SCARB1: variants seen among roughly 807,000 people sequenced by gnomAD.
SCARB1 encodes scavenger receptor class B member 1.
SCARB1 carries 30 observed loss-of-function variants against 57.2 expected under a neutral mutation model. The ratio of observed to expected loss-of-function variants is 0.52; its 90% CI spans 0.39 to 0.71. The LOEUF (loss-of-function observed/expected upper bound fraction) is 0.71. Ranked by LOEUF, SCARB1 falls within the 30% of genes least tolerant of loss-of-function variation. The pLI, the probability that SCARB1 is intolerant of heterozygous loss-of-function variation, is 0.00. For missense variants in SCARB1, 543 were observed against 671.2 expected, an observed-to-expected ratio of 0.81 and a Z score of 2.11; for synonymous variants, 249 against 268.3, an observed-to-expected ratio of 0.93 and a Z score of 0.70.
chr12:124,819,446 C>A (rs1317385910), intron 1 of SCARB1, among the ~76,000 whole-genome samples: 1 of 152,232 alleles, frequency 6.6e-6, no homozygotes, highest in Non-Finnish European at 1.5e-5. Context: ...CTTAAAGGGA[C>A]TATAGGAAAC....
In SCARB1 at chr12:124,791,374, T is replaced by C. The variant is rs1594202328; in HGVS notation, c.1202+3821A>G. Among the ~76,000 whole-genome samples, 2 of 152,170 alleles carry C rather than the reference T, an allele frequency of 1.3e-5. 1 individual carries two copies. Among genetic ancestry groups the C allele is most frequent in the South Asian group, 4.1e-4 (2 of 4,826 alleles). ...CAGCCACTTACGAGCTCTGTGACCT[T>C]GGGCGTGCTACTGAGCCTGTGTCCC... is the stretch of plus-strand genomic sequence containing the variant. On this transcript the variant is annotated intron_variant, in intron 9 of 12. Coordinates refer to ENST00000261693, the MANE Select transcript of SCARB1 (RefSeq NM_005505.5).
At chr12:124,805,175 G>A (rs1206259385) in intron 7 of SCARB1, among the ~76,000 whole-genome samples, 1 of 151,714 alleles carries the variant, frequency 6.6e-6, no homozygotes, top group African/African-American at 2.4e-5. Flanking sequence ...ATAGGGAGCA[G>A]CAGGTGGGAG....
At chr12:124,806,788 G>C (rs1950339564) in intron 7 of SCARB1, among the ~76,000 whole-genome samples, 1 of 152,038 alleles carries the variant, frequency 6.6e-6, no homozygotes, top group African/African-American at 2.4e-5. Context: ...TGCGGTCCCA[G>C]CTACTCAGGA....
chr12:124,778,616 C>T, intron 12 of SCARB1, 30 bp from the exon 13 acceptor site: 1 of 1,412,626 alleles, frequency 7.1e-7, no homozygotes. Context: ...TGGGTGACCA[C>T]CCACGCCCTG....
chr12:124,812,021 C>G lies in SCARB1; in HGVS notation c.631-56G>C, dbSNP rs1441021424. The G allele has an allele frequency of 2.2e-6, 3 of 1,360,272 alleles. No homozygotes were observed. The African/African-American group carries it at 4.3e-5, about 20-fold the overall frequency. The allele number at this position is 1,360,272 out of a possible 1,614,324, so 84.3% of individuals were successfully genotyped here. A position where few individuals can be genotyped will look rare whatever the true frequency, so the allele number is the denominator to read the frequency against. ...GGCTTAGGCCTGCCATTGAGCCGGCCTGGTCTGAACATTCTGGGCTGAGCC... is the reference window on the plus strand; with the variant it reads ...GGCTTAGGCCTGCCATTGAGCCGGCGTGGTCTGAACATTCTGGGCTGAGCC... On this transcript the variant is annotated intron_variant, in intron 4 of 12. Coordinates refer to ENST00000261693, the MANE Select transcript of SCARB1 (RefSeq NM_005505.5). The surrounding 1 kb of genome is among the most constrained non-coding windows in gnomAD (Gnocchi z 4.3).
chr12:124,814,299 T>A lies in SCARB1; in HGVS notation c.533A>T (p.Glu178Val), dbSNP rs750442625. ...GGGGTCCTTGTAGCCCCACATGATC[T>A]CACCCACAGTGCGGTTCATGAAGGC... ...ERAFMNRTVG[E>V]IMWGYKDPLV... The change falls in exon 4 of 13, where the codon GAG becomes GTG. Residue 178 changes from glutamate (E) to valine (V), a missense_variant. Glu to Val is a moderately radical substitution (Grantham distance 121). Coordinates refer to ENST00000261693, the MANE Select transcript of SCARB1 (RefSeq NM_005505.5). This position sits in a 1 kb window ranked among gnomAD's most constrained non-coding sequence, Gnocchi z 4.7. The A allele has an allele frequency of 1.5e-5, 25 of 1,614,206 alleles. No homozygotes were observed. Among genetic ancestry groups the A allele is most frequent in the Non-Finnish European group, 1.9e-5 (23 of 1,180,026 alleles).
chr12:124,832,951 G>A (rs1366159633), intron 1 of SCARB1, among the ~76,000 whole-genome samples: 1 of 152,134 alleles, frequency 6.6e-6, no homozygotes, highest in Non-Finnish European at 1.5e-5. Context: ...GAGATGGGAT[G>A]AAAGTCACGG....
chr12:124,840,277 G>C (rs189121464), intron 1 of SCARB1, among the ~76,000 whole-genome samples: 2 of 151,696 alleles, frequency 1.3e-5, no homozygotes, highest in African/African-American at 4.9e-5. Context: ...AGGTTCAAAC[G>C]ATTCTCCTGC....
rs372317401 is a variant in SCARB1 at position 124,814,423 on chromosome 12, A to G, written c.427-18T>C. ...GCCGCACCCTGCAAGGCGAAGGGAC[A>G]CTAGTGTCAGAGGCTGGACGTGGCT... On this transcript the variant is annotated intron_variant, in intron 3 of 12. Coordinates refer to ENST00000261693, the MANE Select transcript of SCARB1 (RefSeq NM_005505.5). The surrounding 1 kb of genome is among the most constrained non-coding windows in gnomAD (Gnocchi z 4.7). The G allele has an allele frequency of 1.0e-4, 165 of 1,612,154 alleles. No individual in the cohort carries two copies. The African/African-American group carries it at 2.0e-3, about 20-fold the overall frequency.
In SCARB1 at chr12:124,817,696, G is replaced by C. The variant is rs374973412; in HGVS notation, c.138C>G (p.Ile46Met). The change falls in exon 2 of 13, where the codon ATC becomes ATG. Residue 46 changes from isoleucine to methionine, a missense_variant. Coordinates refer to ENST00000261693, the MANE Select transcript of SCARB1 (RefSeq NM_005505.5). This position sits in a 1 kb window ranked among gnomAD's most constrained non-coding sequence, Gnocchi z 4.8. ...IKQQVLKNVR[I>M]DPSSLSFNMW... Reference sequence around the variant, plus strand: ...TGTTGAAGGACAGGCTACTGGGGTCGATGCGCACGTTCTGCAGGGGAAGGG... The same window carrying C: ...TGTTGAAGGACAGGCTACTGGGGTCCATGCGCACGTTCTGCAGGGGAAGGG... 1.9e-6 allele frequency: 3 copies of C among 1,614,186 alleles called. No homozygotes were observed. The South Asian group carries it at 3.3e-5, about 18-fold the overall frequency.
chr12:124,785,505 G>C (rs1037347873), intron 11 of SCARB1: 1 of 153,200 alleles, frequency 6.5e-6, no homozygotes, highest in African/African-American at 2.4e-5. Context: ...CCATGTCAAA[G>C]CTCACTATCT....
intron 1 of SCARB1, among the ~76,000 whole-genome samples, chr12:124,845,846 A>G (rs1952126026): frequency 6.8e-6 from 1 of 146,168 alleles, no homozygotes; most frequent in African/African-American, 2.5e-5. Context: ...CTCTACTAAA[A>G]ATACAAAAAA....
chr12:124,805,417 G>A (rs1464265085), intron 7 of SCARB1, among the ~76,000 whole-genome samples: 1 of 151,878 alleles, frequency 6.6e-6, no homozygotes, highest in Non-Finnish European at 1.5e-5. Flanking sequence ...CGTGTAGGGA[G>A]AAATGGAGTC....
intron 9 of SCARB1, among the ~76,000 whole-genome samples, chr12:124,793,200 T>C (rs532837048): frequency 1.4e-4 from 22 of 152,306 alleles, no homozygotes; most frequent in African/African-American, 4.3e-4. Context: ...CAAAGCTGAA[T>C]AGATGCTCAC....
Position 124,796,781 on chromosome 12 carries a change from C to G in SCARB1, c.1129-1513G>C, listed in dbSNP as rs997704030. Among the ~76,000 whole-genome samples the G allele has an allele frequency of 6.6e-6, 1 of 152,200 alleles. No individual in the cohort carries two copies. Among genetic ancestry groups the G allele is most frequent in the Admixed American group, 6.5e-5 (1 of 15,282 alleles). On this transcript the variant is annotated intron_variant, in intron 8 of 12. Transcript: ENST00000261693. This position sits in a 1 kb window ranked among gnomAD's most constrained non-coding sequence, Gnocchi z 4.0. ...TTAAAGGCCTCACTTACGCCCACGA[C>G]TGGGGAGTGCTTGCCCTCGAGAGCC...
At position 124,786,520 on chromosome 12, in the gene SCARB1, A is replaced by G; in HGVS notation, c.1255-17T>C. ...GGCCCCGCTCTGAGGAGACAGAATGACAAACACATGAGCTGGGGCCGCAGG... is the reference window on the plus strand; with the variant it reads ...GGCCCCGCTCTGAGGAGACAGAATGGCAAACACATGAGCTGGGGCCGCAGG... On this transcript the variant is annotated splice_polypyrimidine_tract_variant and intron_variant, in intron 10 of 12. Coordinates refer to ENST00000261693, the MANE Select transcript of SCARB1 (RefSeq NM_005505.5). 1 of 1,613,814 alleles carries G rather than the reference A, an allele frequency of 6.2e-7. No homozygotes were observed. The highest frequency in any genetic ancestry group is 8.5e-7 in the Non-Finnish European group (1 of 1,180,026).
At chr12:124,803,511 T>C (rs1319465914) in intron 7 of SCARB1, among the ~76,000 whole-genome samples, 3 of 151,980 alleles carry the variant, frequency 2.0e-5, no homozygotes, top group Non-Finnish European at 4.4e-5. Flanking sequence ...GTCAGACTGC[T>C]GTGAGCCATG....
At chr12:124,795,160 G>A (rs376034642) in intron 9 of SCARB1, 35 bp downstream of exon 9, 16 of 1,555,806 alleles carry the variant, frequency 1.0e-5, no homozygotes, top group East Asian at 2.2e-5. Context: ...ATCTCTCAAT[G>A]AGCAATGCAG....
intron 1 of SCARB1, among the ~76,000 whole-genome samples, chr12:124,833,282 C>T (rs537781683): frequency 6.6e-5 from 10 of 151,828 alleles, no homozygotes; most frequent in African/African-American, 1.5e-4. Flanking sequence ...CTCGAACTCC[C>T]GGGCTGAAGC....
Sources: gnomAD v4.1 joint callset for allele counts (sites outside exome capture counted in the v4.1 genomes callset) on GRCh38, gnomAD v4.1.1 for gene constraint, Gnocchi (gnomAD v3.1) non-coding constraint, MANE v1.5 for transcripts, NCBI Gene and HGNC (gene_info 2026-07-23, HGNC 2026-07-21) for gene names.